The following RBBP7 variants were observed in gnomAD, a reference collection of about 807,000 sequenced individuals.
RBBP7 encodes histone-binding protein RBBP7.
A neutral mutation model predicts 35.2 loss-of-function variants in RBBP7; 5 were observed. That is an observed-to-expected ratio of 0.14 (90% CI 0.07 to 0.30). RBBP7 has a LOEUF of 0.30. RBBP7 is among the 10% of genes least tolerant of loss of function. The pLI, the probability that RBBP7 is intolerant of heterozygous loss-of-function variation, is 1.00. For synonymous variants in RBBP7, 140 were observed against 118.7 expected, an observed-to-expected ratio of 1.18 and a Z score of -1.17; for missense variants, 155 against 327.5, an observed-to-expected ratio of 0.47 and a Z score of 4.07.
At chrX:16,845,173 T>C (rs938407983) in intron 11 of RBBP7, 70 bp from the exon 12 acceptor site, 1 of 745,988 alleles carries the variant, frequency 1.3e-6, no homozygotes, top group African/African-American at 2.1e-5. Flanking sequence ...TAAAAACAAT[T>C]TAATCTATTT....
intron 3 of RBBP7, among the ~76,000 whole-genome samples, chrX:16,861,365 T>C (rs764500468): frequency 2.1e-4 from 23 of 111,772 alleles, no homozygotes; most frequent in African/African-American, 6.8e-4. Context: ...AATGTAGTAT[T>C]TTTGAGACAG....
At chrX:16,852,519 T>C (rs1201114498) in intron 8 of RBBP7, 32 bp downstream of exon 8, 1 of 1,188,492 alleles carries the variant, frequency 8.4e-7, no homozygotes, top group Admixed American at 2.2e-5. Flanking sequence ...TTTCATTTCC[T>C]GACATACAGA....
At chrX:16,846,144 G>A (rs1000078108) in intron 10 of RBBP7, 2 of 518,056 alleles carry the variant, frequency 3.9e-6, no homozygotes, top group Non-Finnish European at 5.7e-6. Context: ...ATAGTACAAT[G>A]GATACCTGTA....
chrX:16,862,077 A>T (rs1480882935), intron 3 of RBBP7, among the ~76,000 whole-genome samples: 1 of 111,550 alleles, frequency 9.0e-6, no homozygotes, highest in Admixed American at 9.6e-5. Context: ...CCAAGACCCA[A>T]ACAGGCTTCC....
At chrX:16,852,495 G>T in intron 8 of RBBP7, 56 bp downstream of exon 8, 1 of 1,152,168 alleles carries the variant, frequency 8.7e-7, no homozygotes, top group Non-Finnish European at 1.2e-6. Flanking sequence ...TAGCTTAACT[G>T]ATGAATCCCT....
At chrX:16,861,404 G>A (rs913617068) in intron 3 of RBBP7, among the ~76,000 whole-genome samples, 1 of 111,798 alleles carries the variant, frequency 8.9e-6, no homozygotes, top group African/African-American at 3.3e-5. Context: ...AGGGTGGAGT[G>A]CAGTGGTGTG....
rs189058844 is a variant in RBBP7 at position 16,852,626 on chromosome X, G to A, written c.888C>T (p.Thr296=). The A allele has an allele frequency of 2.5e-5, 30 of 1,206,522 alleles. No homozygotes were observed. Among genetic ancestry groups the A allele is most frequent in the South Asian group, 2.0e-4 (11 of 56,223 alleles). Residue 296 remains threonine (T), a splice_region_variant and synonymous_variant, in exon 8 of 12, where the codon ACC becomes ACT. Coordinates refer to ENST00000380087, the MANE Select transcript of RBBP7 (RefSeq NM_002893.4). ...FILATGSADK[T]VALWDLRNLK... ...AGTTACGCAGATCCCATAAAGCTACGGTCTAAAGAAAAATAACAAGTGAAA... is the reference window on the plus strand; with the variant it reads ...AGTTACGCAGATCCCATAAAGCTACAGTCTAAAGAAAAATAACAAGTGAAA...
Position 16,870,283 on chromosome X carries a change from A to C in RBBP7, c.-230T>G. 1 of 330,031 alleles carries C rather than the reference A, an allele frequency of 3.0e-6. No individual in the cohort carries two copies. The highest frequency in any genetic ancestry group is 4.2e-6 in the Non-Finnish European group (1 of 235,666). The allele number at this position is 330,031 out of a possible 1,213,427, so 27.2% of individuals were successfully genotyped here. A position where few individuals can be genotyped will look rare whatever the true frequency, so the allele number is the denominator to read the frequency against. On this transcript the variant is annotated 5_prime_UTR_variant, in exon 1 of 12. Coordinates refer to ENST00000380087, the MANE Select transcript of RBBP7 (RefSeq NM_002893.4). ...GAGGCGCTCTTCTCTCTCTCTCCAA[A>C]CTTGGAACGAGACTTTTCAACCCGC...
At chrX:16,861,998 T>G (rs1930487417) in intron 3 of RBBP7, among the ~76,000 whole-genome samples, 1 of 111,924 alleles carries the variant, frequency 8.9e-6, no homozygotes, top group Non-Finnish European at 1.9e-5. Context: ...GTCCTCAAGT[T>G]ACAGTTGCTG....
chrX:16,853,559 T>C (rs981464976), intron 6 of RBBP7, 123 bp downstream of exon 6: 1 of 589,148 alleles, frequency 1.7e-6, no homozygotes. Flanking sequence ...AGGAGTAAGC[T>C]ACCTAAAGCT....
At chrX:16,866,523 CAAAAAAAAAAAAAAAAAAAAAAAAA>C (rs55729039) in intron 2 of RBBP7, among the ~76,000 whole-genome samples, 2 of 32,583 alleles carry the variant, frequency 6.1e-5, no homozygotes, top group East Asian at 1.8e-3. Flanking sequence ...GAGACTGTCT[CAAAAAAAAAAAAAAAAAAAAAAAAA>C]AAAAAAAAAG....
chrX:16,862,145 T>C (rs1461279973), intron 3 of RBBP7, among the ~76,000 whole-genome samples: 1 of 111,579 alleles, frequency 9.0e-6, no homozygotes, highest in Non-Finnish European at 1.9e-5. Context: ...ACACATCCTG[T>C]GTGGCCTTGG....
chrX:16,847,898 C>G (rs1377925491), intron 10 of RBBP7: 1 of 111,270 alleles, frequency 9.0e-6, no homozygotes, highest in Non-Finnish European at 1.9e-5. Flanking sequence ...CCCTTGATTT[C>G]AAGCTCTCTT....
intron 1 of RBBP7, 84 bp from the exon 2 acceptor site, chrX:16,869,304 C>A: frequency 9.1e-7 from 1 of 1,095,757 alleles, no homozygotes; most frequent in Non-Finnish European, 1.2e-6. Context: ...GATGGCCACA[C>A]CTCATGTACT....
In RBBP7 at chrX:16,844,972, G is replaced by A. The variant is rs907196786; in HGVS notation, c.*63C>T. On this transcript the variant is annotated 3_prime_UTR_variant, in exon 12 of 12. Coordinates refer to ENST00000380087, the MANE Select transcript of RBBP7 (RefSeq NM_002893.4). ...TCCTACTATACAATGCCTTTTTGGC[G>A]CTTGATAAATCAAGCATTCATGTAG... The A allele has an allele frequency of 1.8e-5, 19 of 1,059,389 alleles. No homozygotes were observed. The highest frequency in any genetic ancestry group is 4.6e-5 in the Admixed American group (2 of 43,762). The allele number at this position is 1,059,389 out of a possible 1,213,427, so 87.3% of individuals were successfully genotyped here. A position where few individuals can be genotyped will look rare whatever the true frequency, so the allele number is the denominator to read the frequency against.
At chrX:16,867,739 G>C (rs6632908) in intron 2 of RBBP7, among the ~76,000 whole-genome samples, 57,157 of 109,889 alleles carry the variant, frequency 0.52, 11,522 homozygotes, top group East Asian at 0.85. Context: ...GTGGTGCGAT[G>C]TTGGCTCACT....
intron 9 of RBBP7, 25 bp from the exon 10 acceptor site, chrX:16,849,326 T>C (rs1401370282): frequency 2.1e-5 from 25 of 1,174,988 alleles, no homozygotes; most frequent in Non-Finnish European, 2.9e-5. Context: ...AATATAACGC[T>C]TTCATCAGTG....
At chrX:16,859,073 T>C (rs1378284315) in intron 3 of RBBP7, among the ~76,000 whole-genome samples, 1 of 112,632 alleles carries the variant, frequency 8.9e-6, no homozygotes, top group Non-Finnish European at 1.9e-5. Context: ...AGCTGCCTTA[T>C]GCAACTTAAT....
intron 3 of RBBP7, among the ~76,000 whole-genome samples, chrX:16,859,906 A>G (rs756775952): frequency 9.0e-6 from 1 of 111,323 alleles, no homozygotes; most frequent in East Asian, 2.8e-4. Context: ...TCTTAATATC[A>G]GTATCTAGCC....
Sources: allele counts gnomAD v4.1 joint callset (sites outside exome capture counted in the v4.1 genomes callset), GRCh38; gene constraint gnomAD v4.1.1; transcripts MANE v1.5; gene names NCBI Gene and HGNC (gene_info 2026-07-23, HGNC 2026-07-21).